The following CUTA variants were observed in gnomAD, a reference collection of about 807,000 sequenced individuals.
CUTA encodes the protein protein CutA.
A neutral mutation model predicts 20.7 loss-of-function variants in CUTA; 21 were observed. The observed-to-expected ratio is 1.01, with a 90% CI of 0.72 to 1.46. The LOEUF (loss-of-function observed/expected upper bound fraction) is 1.46. Among genes scored for constraint, CUTA ranks in the 40% most tolerant of loss-of-function variants. CUTA has a pLI of 0.00. For missense variants in CUTA, 231 were observed against 226.8 expected (o/e 1.02, Z -0.12); for synonymous variants, 99 against 97.9 (o/e 1.01, Z -0.07).
chr6:33,417,050 G>A, intron 4 of CUTA, 47 bp downstream of exon 4: 1 of 1,612,308 alleles, frequency 6.2e-7, no homozygotes. Context: ...GGGCTAAAGG[G>A]GTCAGGGATT....
chr6:33,417,696 C>CT lies in CUTA; in HGVS notation c.43-2dup. 1 of 1,601,704 alleles carries CT rather than the reference C, an allele frequency of 6.2e-7. No individual in the cohort carries two copies. Among genetic ancestry groups the CT allele is most frequent in the Non-Finnish European group, 8.5e-7 (1 of 1,174,712 alleles). On this transcript the variant is annotated splice_acceptor_variant, in intron 1 of 5. Coordinates refer to ENST00000488034, the MANE Select transcript of CUTA (RefSeq NM_001014840.2). LOFTEE classifies it high-confidence loss of function. Reference sequence around the variant, plus strand: ...AAACAAAAGACAGGAGCAGAGAGGCCTGAGAGCAGGAGGCGAATTCGATCT... The same window carrying CT: ...AAACAAAAGACAGGAGCAGAGAGGCCTTGAGAGCAGGAGGCGAATTCGATCT...
In CUTA at chr6:33,416,653, T is replaced by A; in HGVS notation, c.537A>T (p.Pro179=). 6.5e-7 allele frequency: 1 copy of A among 1,543,384 alleles called. No individual in the cohort carries two copies. Among genetic ancestry groups the A allele is most frequent in the South Asian group, 1.1e-5 (1 of 89,724 alleles). The part of the protein sequence containing the change: ...ESVSDSITVL[P] ...TGATGAGCAGGAACAGGGCTCATCATGGCAGGACTGTGATAGAGTCAGAAA... is the reference window on the plus strand; with the variant it reads ...TGATGAGCAGGAACAGGGCTCATCAAGGCAGGACTGTGATAGAGTCAGAAA... The change falls in exon 6 of 6, where the codon CCA becomes CCT. Residue 179 remains proline (P), a synonymous_variant. Transcript: ENST00000488034.
Position 33,416,618 on chromosome 6 carries a change from G to C in CUTA, c.*32C>G. On this transcript the variant is annotated 3_prime_UTR_variant, in exon 6 of 6. Coordinates refer to ENST00000488034, the MANE Select transcript of CUTA (RefSeq NM_001014840.2). ...AGTCAGAAGGCGTTGAAGTATCGCG[G>C]GGATCTTCATGATGAGCAGGAACAG... The C allele has an allele frequency of 7.9e-7, 1 of 1,267,722 alleles. No homozygotes were observed. The highest frequency in any genetic ancestry group is 1.5e-5 in the African/African-American group (1 of 68,266). The allele number at this position is 1,267,722 out of a possible 1,614,324, so 78.5% of individuals were successfully genotyped here.
In CUTA at chr6:33,416,944, A is replaced by G. The variant is rs765410362; in HGVS notation, c.389T>C (p.Val130Ala). The G allele has an allele frequency of 6.2e-7, 1 of 1,614,096 alleles. No individual in the cohort carries two copies. Among genetic ancestry groups the G allele is most frequent in the Non-Finnish European group, 8.5e-7 (1 of 1,180,042 alleles). Residue 130 changes from valine to alanine, a missense_variant, in exon 5 of 6, where the codon GTC becomes GCC. By Grantham distance (64) the Val-to-Ala change is moderately conservative. Coordinates refer to ENST00000488034, the MANE Select transcript of CUTA (RefSeq NM_001014840.2). The stretch of plus-strand genomic sequence containing the variant: ...CCGAACAAAATCTGTCAAAGCTGGG[A>G]CCAAGGAACTTTGGGTTTTAATCAT... ...LMMIKTQSSL[V>A]PALTDFVRSV...
intron 1 of CUTA, 98 bp from the exon 2 acceptor site, chr6:33,417,793 C>G: frequency 6.5e-7 from 1 of 1,544,354 alleles, no homozygotes; most frequent in East Asian, 2.4e-5. Context: ...TGCCCTCCCT[C>G]TGATGCACCC....
chr6:33,417,955 TCAC>T lies in CUTA; in HGVS notation c.42+1_42+3del. 1 of 1,590,482 alleles carries T rather than the reference TCAC, an allele frequency of 6.3e-7. No individual in the cohort carries two copies. The highest frequency in any genetic ancestry group is 8.6e-7 in the Non-Finnish European group (1 of 1,169,248). ...GAAGGGGCGGGGCGGGGCCGGTCAC[TCAC>T]CACTCCGCCGAGCAGGACCGCGGGA... On this transcript the variant is annotated splice_donor_variant and splice_donor_region_variant and intron_variant, in intron 1 of 5. Coordinates refer to ENST00000488034, the MANE Select transcript of CUTA (RefSeq NM_001014840.2). LOFTEE classifies it high-confidence loss of function.
intron 1 of CUTA, 39 bp from the exon 2 acceptor site, chr6:33,417,734 A>G (rs901668107): frequency 1.3e-5 from 20 of 1,578,540 alleles, no homozygotes; most frequent in Non-Finnish European, 1.6e-5. Flanking sequence ...CCTCACAAAC[A>G]GCCCAGGAAA....
intron 3 of CUTA, 48 bp from the exon 4 acceptor site, chr6:33,417,190 A>G (rs1776561848): frequency 1.9e-6 from 3 of 1,613,450 alleles, no homozygotes; most frequent in African/African-American, 1.3e-5. Context: ...AATTTCCCCC[A>G]GGAAAGAGGT....
rs1776515281 is a variant in CUTA, at chr6:33,416,726, T to G, written c.464A>C (p.Gln155Pro). 1 of 1,613,982 alleles carries G rather than the reference T, an allele frequency of 6.2e-7. No homozygotes were observed. Among genetic ancestry groups the G allele is most frequent in the South Asian group, 1.1e-5 (1 of 91,086 alleles). ...VAEVIALPVE[Q>P]GNFPYLQWVR... ...CCACTGCAGGTACGGAAAGTTCCCC[T>G]GTTCCACAGGCAATGCAATTACCTC... The change falls in exon 6 of 6, where the codon CAG (glutamine) becomes CCG (proline). Residue 155 changes from glutamine to proline, a missense_variant. Gln to Pro is a moderately conservative substitution (Grantham distance 76). Transcript: ENST00000488034.
rs754368338 is a variant in CUTA, at chr6:33,417,242, A to G, written c.317+9T>C. 8.7e-6 allele frequency: 14 copies of G among 1,614,040 alleles called. No homozygotes were observed. The highest frequency in any genetic ancestry group is 1.3e-5 in the African/African-American group (1 of 74,918). On this transcript the variant is annotated intron_variant, in intron 3 of 5. Coordinates refer to ENST00000488034, the MANE Select transcript of CUTA (RefSeq NM_001014840.2). ...CAGTTAGGTTAACCCCCCAACTCCT[A>G]TGACTCACATGGATGTAATCTGAGG...
At position 33,417,533 on chromosome 6, in the gene CUTA, A is replaced by G. The variant is rs931963688; in HGVS notation, c.205T>C (p.Ser69Pro). ...SGSGYVPGSV[S>P]AAFVTCPNEK... Reference sequence around the variant, plus strand: ...TTGGGGCAAGTAACAAAGGCTGCAGAGACCGAGCCCGGAACGTAGCCAGAG... The same window carrying G: ...TTGGGGCAAGTAACAAAGGCTGCAGGGACCGAGCCCGGAACGTAGCCAGAG... Residue 69 changes from serine (S) to proline (P), a missense_variant, in exon 2 of 6, where the codon TCT becomes CCT. Ser to Pro is a moderately conservative substitution (Grantham distance 74). Transcript: ENST00000488034. 3.7e-6 allele frequency: 6 copies of G among 1,614,160 alleles called. No individual in the cohort carries two copies. Among genetic ancestry groups the G allele is most frequent in the Non-Finnish European group, 5.1e-6 (6 of 1,180,028 alleles).
In CUTA at chr6:33,416,763, A is replaced by G. The variant is rs1235554490; in HGVS notation, c.427T>C (p.Tyr143His). The change falls in exon 6 of 6, where the codon TAC (tyrosine) becomes CAC (histidine). Residue 143 changes from tyrosine (Y) to histidine (H), a missense_variant. By Grantham distance (83) the Tyr-to-His change is moderately conservative (BLOSUM62 2). Coordinates refer to ENST00000488034, the MANE Select transcript of CUTA (RefSeq NM_001014840.2). The stretch of plus-strand genomic sequence containing the variant: ...AATGCAATTACCTCGGCCACTTCGT[A>G]AGGGTGCACAGAACTACAAAATAGG... ...LTDFVRSVHP[Y>H]EVAEVIALPV... is the part of the protein sequence containing the mutation. 1.6e-5 allele frequency: 26 copies of G among 1,614,136 alleles called. No homozygotes were observed. Among genetic ancestry groups the G allele is most frequent in the Non-Finnish European group, 2.2e-5 (26 of 1,179,986 alleles).
chr6:33,417,026 C>T, intron 4 of CUTA, 57 bp from the exon 5 acceptor site: 4 of 1,613,076 alleles, frequency 2.5e-6, no homozygotes, highest in South Asian at 1.1e-5. Context: ...TTCAGTTTCT[C>T]AGAAGAGGGG....
At position 33,416,511 on chromosome 6, in the gene CUTA, A is replaced by C. The variant is rs1776487944; in HGVS notation, c.*139T>G. 1 of 681,502 alleles carries C rather than the reference A, an allele frequency of 1.5e-6. No homozygotes were observed. The highest frequency in any genetic ancestry group is 2.7e-6 in the Non-Finnish European group (1 of 370,970). The allele number at this position is 681,502 out of a possible 1,614,324, so 42.2% of individuals were successfully genotyped here. A position where few individuals can be genotyped will look rare whatever the true frequency, so the allele number is the denominator to read the frequency against. Reference sequence around the variant, plus strand: ...TAGAAGCACTTATATTCTCCCAACAAATTTGCATACATGACAAAAAACAGG... The same window carrying C: ...TAGAAGCACTTATATTCTCCCAACACATTTGCATACATGACAAAAAACAGG... On this transcript the variant is annotated 3_prime_UTR_variant, in exon 6 of 6. Transcript: ENST00000488034.
At chr6:33,417,012 T>G (rs923851227) in intron 4 of CUTA, 43 bp from the exon 5 acceptor site, 5 of 1,613,158 alleles carry the variant, frequency 3.1e-6, no homozygotes, top group Middle Eastern at 1.6e-4. Flanking sequence ...GGAGTGGGAT[T>G]GAGTTCAGTT....
chr6:33,417,740 G>A, intron 1 of CUTA, 45 bp from the exon 2 acceptor site: 1 of 1,574,922 alleles, frequency 6.3e-7, no homozygotes, highest in Non-Finnish European at 8.6e-7. Flanking sequence ...AAACAGCCCA[G>A]GAAATTACAC....
In CUTA at chr6:33,416,912, G is replaced by A. The variant is rs1562861720; in HGVS notation, c.413+8C>T. 6.2e-7 allele frequency: 1 copy of A among 1,614,114 alleles called. No homozygotes were observed. The highest frequency in any genetic ancestry group is 1.1e-5 in the South Asian group (1 of 91,084). On this transcript the variant is annotated splice_region_variant and intron_variant, in intron 5 of 5. Transcript: ENST00000488034. The stretch of plus-strand genomic sequence containing the variant: ...ACACCCTCACCCCATCCATCTCAAA[G>A]TTCTCACCGAACAAAATCTGTCAAA...
At chr6:33,417,818 T>G in intron 1 of CUTA, 123 bp from the exon 2 acceptor site, 1 of 1,544,068 alleles carries the variant, frequency 6.5e-7, no homozygotes, top group South Asian at 1.2e-5. Context: ...AGAATGCCCC[T>G]GAAGGTGAGA....
rs763423148 is a variant in CUTA at position 33,416,651 on chromosome 6, C to G, written c.539G>C (p.Ter180SerextTer1). 71 of 1,538,060 alleles carry G rather than the reference C, an allele frequency of 4.6e-5. No individual in the cohort carries two copies. Among genetic ancestry groups the G allele is most frequent in the South Asian group, 1.2e-4 (11 of 89,622 alleles). Residue 180 changes from the stop codon to serine, a stop_lost, in exon 6 of 6, where the codon TGA (stop) becomes TCA (serine). Coordinates refer to ENST00000488034, the MANE Select transcript of CUTA (RefSeq NM_001014840.2). ...SVSDSITVLP[*>S] ...CATGATGAGCAGGAACAGGGCTCAT[C>G]ATGGCAGGACTGTGATAGAGTCAGA... is the stretch of plus-strand genomic sequence containing the variant.
Sources: allele counts gnomAD v4.1 joint callset, GRCh38; gene constraint gnomAD v4.1.1; transcripts MANE v1.5; gene names NCBI Gene and HGNC (gene_info 2026-07-23, HGNC 2026-07-21).